AKAP6: variants seen among roughly 807,000 people sequenced by gnomAD.
AKAP6 encodes A-kinase anchoring protein 6.
In AKAP6, 58 loss-of-function variants were observed where a neutral mutation model predicts 188.5. That is an observed-to-expected ratio of 0.31 (90% CI 0.25 to 0.38). The LOEUF is 0.38. Ranked by LOEUF, AKAP6 falls within the 10% of genes least tolerant of loss-of-function variation. AKAP6 has a pLI of 1.00. For synonymous variants in AKAP6, 989 were observed against 998.6 expected (o/e 0.99, Z 0.18); for missense variants, 2,710 against 2,740.0 (o/e 0.99, Z 0.24).
chr14:32,701,415 G>GAGATAATAC (rs1262110460), intron 9 of AKAP6, among the ~76,000 whole-genome samples: 63 of 152,090 alleles, frequency 4.1e-4, no homozygotes, highest in Non-Finnish European at 7.7e-4. Flanking sequence ...ATAAGAAAAA[G>GAGATAATAC]AGATAATACT....
chr14:32,519,537 G>T (rs1029980328), intron 2 of AKAP6, among the ~76,000 whole-genome samples: 1 of 152,070 alleles, frequency 6.6e-6, no homozygotes, highest in African/African-American at 2.4e-5. Flanking sequence ...AAAAGCAGGG[G>T]TTGCAATCTT....
At chr14:32,500,657 T>G (rs1299261162) in intron 2 of AKAP6, among the ~76,000 whole-genome samples, 1 of 152,170 alleles carries the variant, frequency 6.6e-6, no homozygotes, top group African/African-American at 2.4e-5. Context: ...TGAGAAGTTC[T>G]GTACTTTAGT....
intron 4 of AKAP6, among the ~76,000 whole-genome samples, chr14:32,572,893 A>G (rs1424990846): frequency 6.6e-6 from 1 of 152,188 alleles, no homozygotes; most frequent in African/African-American, 2.4e-5. Context: ...AGGGCCAACC[A>G]CTGTTCCATT....
chr14:32,684,393 G>A (rs1889819945), intron 8 of AKAP6, among the ~76,000 whole-genome samples: 1 of 152,178 alleles, frequency 6.6e-6, no homozygotes, highest in Admixed American at 6.5e-5. Flanking sequence ...ACACCATTGA[G>A]AATTCCAGGT....
At chr14:32,419,018 A>G (rs1052045354) in intron 1 of AKAP6, among the ~76,000 whole-genome samples, 2 of 152,206 alleles carry the variant, frequency 1.3e-5, no homozygotes, top group African/African-American at 4.8e-5. Flanking sequence ...GAAGCAATTC[A>G]TACTTTATCA....
chr14:32,697,917 A>C (rs1211423849), intron 9 of AKAP6, among the ~76,000 whole-genome samples: 4 of 151,862 alleles, frequency 2.6e-5, no homozygotes, highest in Non-Finnish European at 5.9e-5. Flanking sequence ...TTTTCCAAAC[A>C]TTTTCTGTAC....
At chr14:32,633,558 G>A (rs939405440) in intron 7 of AKAP6, among the ~76,000 whole-genome samples, 1 of 152,034 alleles carries the variant, frequency 6.6e-6, no homozygotes, top group South Asian at 2.1e-4. Flanking sequence ...TGGTAAGTGA[G>A]CAGATGCTTT....
At chr14:32,611,889 A>T (rs956763574) in intron 7 of AKAP6, among the ~76,000 whole-genome samples, 1 of 152,198 alleles carries the variant, frequency 6.6e-6, no homozygotes, top group African/African-American at 2.4e-5. Flanking sequence ...AAAGGAAGTG[A>T]ATCAGTGGAT....
rs142797759 is a variant in AKAP6 at position 32,654,933 on chromosome 14, T to C, written c.2731-23378T>C. Among the ~76,000 whole-genome samples, 3 of 152,268 alleles carry C rather than the reference T, an allele frequency of 2.0e-5. No individual in the cohort carries two copies. In the East Asian group the frequency reaches 5.8e-4, roughly 29 times the overall value. On this transcript the variant is annotated intron_variant, in intron 7 of 13. Coordinates refer to ENST00000280979, the MANE Select transcript of AKAP6 (RefSeq NM_004274.5). ...AAAAAAATCATGCTTTAAGGACTTC[T>C]ATAAAGTCACAAAATAATGTTTGCA... is the stretch of plus-strand genomic sequence containing the variant.
chr14:32,339,665 A>G (rs1886830377), intron 1 of AKAP6, among the ~76,000 whole-genome samples: 1 of 152,170 alleles, frequency 6.6e-6, no homozygotes, highest in Non-Finnish European at 1.5e-5. Flanking sequence ...GGAATTTGAA[A>G]GACTCTTTGA....
chr14:32,490,034 A>G (rs899938721), intron 2 of AKAP6, among the ~76,000 whole-genome samples: 1 of 152,110 alleles, frequency 6.6e-6, no homozygotes, highest in African/African-American at 2.4e-5. Context: ...GATCTCACAA[A>G]GTACATTCTC....
intron 2 of AKAP6, among the ~76,000 whole-genome samples, chr14:32,531,148 A>G (rs1209216046): frequency 6.6e-6 from 1 of 152,206 alleles, no homozygotes; most frequent in Admixed American, 6.5e-5. Flanking sequence ...CTATTATGCT[A>G]TATGTGAATT....
chr14:32,686,416 T>C (rs1367962763), intron 8 of AKAP6, among the ~76,000 whole-genome samples: 3 of 152,114 alleles, frequency 2.0e-5, no homozygotes, highest in Non-Finnish European at 4.4e-5. Flanking sequence ...ATAACTTTAT[T>C]GTACATTTTA....
intron 12 of AKAP6, among the ~76,000 whole-genome samples, chr14:32,800,153 C>CAT (rs145137650): frequency 1.1e-4 from 13 of 117,670 alleles, no homozygotes; most frequent in African/African-American, 4.1e-4. Context: ...CACATATATA[C>CAT]ATATATATAC....
chr14:32,376,226 A>AC (rs1251099614), intron 1 of AKAP6, among the ~76,000 whole-genome samples: 1 of 152,096 alleles, frequency 6.6e-6, no homozygotes, highest in Non-Finnish European at 1.5e-5. Flanking sequence ...ACCTTGGGGC[A>AC]CCCCCCACTC....
At position 32,615,074 on chromosome 14, in the gene AKAP6, C is replaced by T. The variant is rs1402367652; in HGVS notation, c.2730+14282C>T. 6.1e-5 allele frequency among the ~76,000 whole-genome samples: 9 copies of T among 146,992 alleles called. No individual in the cohort carries two copies. In the East Asian group the frequency reaches 1.4e-3, roughly 23 times the overall value. On this transcript the variant is annotated intron_variant, in intron 7 of 13. Coordinates refer to ENST00000280979, the MANE Select transcript of AKAP6 (RefSeq NM_004274.5). ...GTCCTAGCTACTTGGGAGGCTGAGG[C>T]AGGAGAATCACTTAAATCCAGGCAG...
chr14:32,353,825 G>A lies in AKAP6; in HGVS notation c.-35+24417G>A, dbSNP rs1295032443. ...CTTATACGCCAATAACAGACAAACA[G>A]AGAGCCAAATCATGAGTGAATTCCC... On this transcript the variant is annotated intron_variant, in intron 1 of 13. Coordinates refer to ENST00000280979, the MANE Select transcript of AKAP6 (RefSeq NM_004274.5). Among the ~76,000 whole-genome samples the A allele has an allele frequency of 2.6e-5, 4 of 152,036 alleles. No homozygotes were observed. In the East Asian group the frequency reaches 7.7e-4, roughly 29 times the overall value.
chr14:32,604,091 C>T (rs916043628), intron 7 of AKAP6, among the ~76,000 whole-genome samples: 1 of 152,028 alleles, frequency 6.6e-6, no homozygotes, highest in African/African-American at 2.4e-5. Context: ...AAACAAAAAC[C>T]CTCCACTTAC....
chr14:32,451,396 G>A (rs1159517084), intron 2 of AKAP6, among the ~76,000 whole-genome samples: 1 of 152,090 alleles, frequency 6.6e-6, no homozygotes, highest in African/African-American at 2.4e-5. Flanking sequence ...GTTCTGCAGA[G>A]TTTGCACAAA....
Sources: allele counts gnomAD v4.1 joint callset (sites outside exome capture counted in the v4.1 genomes callset), GRCh38; gene constraint gnomAD v4.1.1; transcripts MANE v1.5; gene names NCBI Gene and HGNC (gene_info 2026-07-23, HGNC 2026-07-21).